Variants in RFX4 observed in about 807,000 individuals in gnomAD.
RFX4 encodes regulatory factor X4, also known as transcription factor RFX4.
Under a neutral mutation model 95.0 loss-of-function variants are expected in RFX4, and 10 were observed. The observed-to-expected ratio is 0.11, with a 90% CI of 0.06 to 0.18. RFX4 has a LOEUF of 0.18. Ranked by LOEUF, RFX4 falls within the 10% of genes least tolerant of loss-of-function variation. The pLI, the probability that RFX4 is intolerant of heterozygous loss-of-function variation, is 1.00. For synonymous variants in RFX4, 321 were observed against 340.7 expected, an observed-to-expected ratio of 0.94 and a Z score of 0.64; for missense variants, 640 against 922.0, an observed-to-expected ratio of 0.69 and a Z score of 3.96.
intron 13 of RFX4, among the ~76,000 whole-genome samples, chr12:106,725,376 T>G: frequency 6.6e-6 from 1 of 152,250 alleles, no homozygotes; most frequent in South Asian, 2.1e-4. Context: ...TGAAAGAAAT[T>G]TAAAAATATG....
At chr12:106,724,156 G>A (rs1035708404) in intron 13 of RFX4, among the ~76,000 whole-genome samples, 3 of 152,162 alleles carry the variant, frequency 2.0e-5, no homozygotes, top group Non-Finnish European at 2.9e-5. Context: ...CTTAACATTA[G>A]AGATAAGAAT....
At chr12:106,756,186 G>A (rs1239063362) in intron 17 of RFX4, among the ~76,000 whole-genome samples, 1 of 152,200 alleles carries the variant, frequency 6.6e-6, no homozygotes, top group East Asian at 1.9e-4. Context: ...CAACTGTGCT[G>A]CACTTGTTCA....
At chr12:106,610,255 A>G (rs2039933427) in intron 2 of RFX4, among the ~76,000 whole-genome samples, 1 of 151,926 alleles carries the variant, frequency 6.6e-6, no homozygotes, top group South Asian at 2.1e-4. Flanking sequence ...AAAAAAAAAA[A>G]AAAGAATGAA....
intron 17 of RFX4, among the ~76,000 whole-genome samples, chr12:106,751,998 A>G (rs2043015720): frequency 6.9e-6 from 1 of 144,290 alleles, no homozygotes; most frequent in South Asian, 2.4e-4. Context: ...TGTTTTAGAC[A>G]TGAAGTCCTT....
At chr12:106,679,036 C>G (rs140336819) in intron 4 of RFX4, among the ~76,000 whole-genome samples, 1 of 152,144 alleles carries the variant, frequency 6.6e-6, no homozygotes, top group East Asian at 1.9e-4. Flanking sequence ...ATTTTAAAAA[C>G]GCTCTGGGGA....
intron 3 of RFX4, among the ~76,000 whole-genome samples, chr12:106,641,159 C>G (rs2040615183): frequency 6.6e-6 from 1 of 152,146 alleles, no homozygotes; most frequent in South Asian, 2.1e-4. Flanking sequence ...AGAAGAAAAT[C>G]ACTTTGTTCA....
chr12:106,750,647 C>A lies in RFX4; in HGVS notation c.1797-8C>A. The A allele has an allele frequency of 6.3e-7, 1 of 1,595,216 alleles. No individual in the cohort carries two copies. The highest frequency in any genetic ancestry group is 1.1e-5 in the South Asian group (1 of 88,012). On this transcript the variant is annotated splice_polypyrimidine_tract_variant and splice_region_variant and intron_variant, in intron 16 of 17. Coordinates refer to ENST00000392842, the MANE Select transcript of RFX4 (RefSeq NM_213594.3). ...CTCACACTATTCAATGTGCTTGATG[C>A]ATTTTAGATACACGGGAAGCTATAA...
At position 106,681,335 on chromosome 12, in the gene RFX4, A is replaced by G. The variant is rs118093562; in HGVS notation, c.316-658A>G. On this transcript the variant is annotated intron_variant, in intron 4 of 17. Transcript: ENST00000392842. Reference sequence around the variant, plus strand: ...GTAAGTGAACAAGATAACTTCAGATAGTGCTAAGTGATAAGAAGACAAAGC... The same window carrying G: ...GTAAGTGAACAAGATAACTTCAGATGGTGCTAAGTGATAAGAAGACAAAGC... Among the ~76,000 whole-genome samples, 50 of 152,318 alleles carry G rather than the reference A, an allele frequency of 3.3e-4. No individual in the cohort carries two copies. In the East Asian group the frequency reaches 7.0e-3, roughly 21 times the overall value.
At chr12:106,728,990 C>A (rs2042558569) in intron 13 of RFX4, among the ~76,000 whole-genome samples, 1 of 152,156 alleles carries the variant, frequency 6.6e-6, no homozygotes, top group Non-Finnish European at 1.5e-5. Context: ...GCTTGAAGGC[C>A]CATGTCAAAT....
At chr12:106,732,843 T>C (rs546944725) in intron 14 of RFX4, 81 bp from the exon 15 acceptor site, 2 of 1,378,774 alleles carry the variant, frequency 1.5e-6, no homozygotes, top group African/African-American at 2.9e-5. Context: ...CAGATTAGAA[T>C]AATATTTCAC....
At chr12:106,689,609 C>T (rs1238236862) in intron 7 of RFX4, among the ~76,000 whole-genome samples, 1 of 152,168 alleles carries the variant, frequency 6.6e-6, no homozygotes, top group African/African-American at 2.4e-5. Context: ...GGTGAACTGC[C>T]TCCTGCCCTA....
At chr12:106,631,794 C>T (rs966111767) in intron 2 of RFX4, among the ~76,000 whole-genome samples, 5 of 152,166 alleles carry the variant, frequency 3.3e-5, no homozygotes, top group African/African-American at 9.7e-5. Flanking sequence ...CCATGGGCAG[C>T]GACCACACTC....
chr12:106,705,601 G>A (rs2042069163), intron 8 of RFX4, among the ~76,000 whole-genome samples: 2 of 152,204 alleles, frequency 1.3e-5, no homozygotes, highest in Admixed American at 6.5e-5. Context: ...TCTGGGGCAA[G>A]AGCTTCCAGG....
chr12:106,750,902 C>A, intron 17 of RFX4, 109 bp downstream of exon 17: 1 of 1,022,096 alleles, frequency 9.8e-7, no homozygotes, highest in Non-Finnish European at 1.3e-6. Flanking sequence ...GCGTGTGTGT[C>A]CCCAAGGAGA....
intron 2 of RFX4, among the ~76,000 whole-genome samples, chr12:106,621,291 C>T (rs1259096504): frequency 2.6e-5 from 4 of 152,208 alleles, no homozygotes; most frequent in Admixed American, 6.5e-5. Context: ...TTCCTCTGTT[C>T]GGGGTCCCTG....
Position 106,761,296 on chromosome 12 carries a change from C to T in RFX4, c.2035C>T (p.Pro679Ser). Residue 679 changes from proline to serine, a missense_variant, in exon 18 of 18, where the codon CCC (proline) becomes TCC (serine). Pro to Ser is a moderately conservative substitution (Grantham distance 74). Coordinates refer to ENST00000392842, the MANE Select transcript of RFX4 (RefSeq NM_213594.3). ...AGTCACTCCCCGCTGGCCAGAGGTG[C>T]CCTCAGCCAACACGTGCTACACAAG... is the stretch of plus-strand genomic sequence containing the variant. ...TPVTPRWPEVPSANTCYTSPS... is the reference protein window; with the variant it reads ...TPVTPRWPEVSSANTCYTSPS... 6 of 1,614,090 alleles carry T rather than the reference C, an allele frequency of 3.7e-6. No individual in the cohort carries two copies. Among genetic ancestry groups the T allele is most frequent in the Non-Finnish European group, 5.1e-6 (6 of 1,180,008 alleles).
chr12:106,620,864 G>GAATATT (rs2040171774), intron 2 of RFX4, among the ~76,000 whole-genome samples: 3 of 151,826 alleles, frequency 2.0e-5, no homozygotes, highest in African/African-American at 7.3e-5. Flanking sequence ...CTTTCCCAAG[G>GAATATT]AATATTAATA....
chr12:106,727,898 C>T (rs1299569996), intron 13 of RFX4, among the ~76,000 whole-genome samples: 1 of 152,186 alleles, frequency 6.6e-6, no homozygotes, highest in African/African-American at 2.4e-5. Flanking sequence ...GGATTACAGG[C>T]ATGAGCCACC....
chr12:106,620,824 G>A (rs931727877), intron 2 of RFX4, among the ~76,000 whole-genome samples: 19 of 152,114 alleles, frequency 1.2e-4, no homozygotes, highest in African/African-American at 4.1e-4. Context: ...CAGAGCGGCT[G>A]TTTATAGACC....
Sources: gnomAD v4.1 joint callset for allele counts (sites outside exome capture counted in the v4.1 genomes callset) on GRCh38, gnomAD v4.1.1 for gene constraint, MANE v1.5 for transcripts, NCBI Gene and HGNC (gene_info 2026-07-23, HGNC 2026-07-21) for gene names.